Variants in NLGN1 observed in about 807,000 individuals in gnomAD.
NLGN1 encodes neuroligin-1.
A neutral mutation model predicts 65.5 loss-of-function variants in NLGN1; 12 were observed. The ratio of observed to expected loss-of-function variants is 0.18; its 90% CI spans 0.12 to 0.30. The LOEUF (loss-of-function observed/expected upper bound fraction) is 0.30. Ranked by LOEUF, NLGN1 falls within the 10% of genes least tolerant of loss-of-function variation. The probability of loss-of-function intolerance (pLI) is 1.00; values close to 1 mark genes in which losing one functional copy is unlikely to be tolerated. For missense variants in NLGN1, 750 were observed against 1,007.1 expected, an observed-to-expected ratio of 0.74 and a Z score of 3.46; for synonymous variants, 350 against 359.5, an observed-to-expected ratio of 0.97 and a Z score of 0.30.
intron 3 of NLGN1, among the ~76,000 whole-genome samples, chr3:173,729,347 T>C (rs1772399041): frequency 6.6e-6 from 1 of 152,110 alleles, no homozygotes; most frequent in Non-Finnish European, 1.5e-5. Context: ...CTTGTTCCTA[T>C]GTTTAGACTC....
At chr3:173,679,480 T>C (rs1230904128) in intron 3 of NLGN1, among the ~76,000 whole-genome samples, 1 of 151,984 alleles carries the variant, frequency 6.6e-6, no homozygotes, top group African/African-American at 2.4e-5. Context: ...GGGGAGGGGA[T>C]AAAAAAGACT....
chr3:173,554,244 G>C (rs1043254367), intron 2 of NLGN1, among the ~76,000 whole-genome samples: 5 of 152,136 alleles, frequency 3.3e-5, no homozygotes, highest in Non-Finnish European at 7.4e-5. Context: ...CTTTAGAAGA[G>C]AAACACACCT....
chr3:174,208,597 A>G (rs1030005583), intron 4 of NLGN1, among the ~76,000 whole-genome samples: 1 of 152,028 alleles, frequency 6.6e-6, no homozygotes, highest in Non-Finnish European at 1.5e-5. Flanking sequence ...GTATTTATAA[A>G]TCTGACAGCC....
intron 4 of NLGN1, among the ~76,000 whole-genome samples, chr3:173,952,222 T>G (rs543524914): frequency 6.6e-6 from 1 of 152,024 alleles, no homozygotes; most frequent in Non-Finnish European, 1.5e-5. Flanking sequence ...TAAAGATAGG[T>G]TTAAAGATGG....
At chr3:173,469,925 C>T (rs1725042202) in intron 2 of NLGN1, among the ~76,000 whole-genome samples, 2 of 151,346 alleles carry the variant, frequency 1.3e-5, no homozygotes, top group Admixed American at 6.6e-5. Context: ...ACCTCATTTG[C>T]TTCTCTATTA....
At chr3:173,571,464 G>T (rs1336852627) in intron 2 of NLGN1, among the ~76,000 whole-genome samples, 7 of 152,120 alleles carry the variant, frequency 4.6e-5, no homozygotes, top group African/African-American at 1.7e-4. Context: ...CACTTTTTAT[G>T]TTGCATTTTT....
At chr3:174,050,990 A>G (rs533758881) in intron 4 of NLGN1, among the ~76,000 whole-genome samples, 12 of 152,156 alleles carry the variant, frequency 7.9e-5, no homozygotes, top group African/African-American at 2.9e-4. Context: ...GAATTATACA[A>G]TCAGCAAAGG....
chr3:174,075,737 A>G (rs1371856755), intron 4 of NLGN1, among the ~76,000 whole-genome samples: 1 of 152,218 alleles, frequency 6.6e-6, no homozygotes, highest in Non-Finnish European at 1.5e-5. Context: ...AAAAAGAAAA[A>G]TGAAAAGGAC....
intron 2 of NLGN1, chr3:173,435,200 C>T (rs1717890294): frequency 6.6e-6 from 1 of 152,558 alleles, no homozygotes; most frequent in African/African-American, 2.4e-5. Flanking sequence ...TGACTTACCT[C>T]TTTTGTTCCA....
chr3:174,244,403 TTCCTC>T (rs1428747838), intron 4 of NLGN1, among the ~76,000 whole-genome samples: 3 of 152,212 alleles, frequency 2.0e-5, no homozygotes, highest in Non-Finnish European at 4.4e-5. Flanking sequence ...TTAAGAATCT[TTCCTC>T]TCTTTACTAC....
intron 2 of NLGN1, among the ~76,000 whole-genome samples, chr3:173,536,839 A>G (rs751359631): frequency 9.2e-5 from 14 of 152,102 alleles, no homozygotes; most frequent in Non-Finnish European, 1.6e-4. Flanking sequence ...AGAGGCTGAC[A>G]TGTCCTAACA....
intron 4 of NLGN1, among the ~76,000 whole-genome samples, chr3:173,852,672 A>G (rs1727206184): frequency 6.6e-6 from 1 of 152,204 alleles, no homozygotes; most frequent in African/African-American, 2.4e-5. Flanking sequence ...ATTGTTCACC[A>G]ATTATAAAGC....
At chr3:173,905,367 A>G (rs1409733662) in intron 4 of NLGN1, among the ~76,000 whole-genome samples, 2 of 152,196 alleles carry the variant, frequency 1.3e-5, no homozygotes, top group African/African-American at 4.8e-5. Context: ...TCCAACCCCA[A>G]TTTGTACTGT....
intron 4 of NLGN1, among the ~76,000 whole-genome samples, chr3:173,954,777 T>G (rs2152335047): frequency 6.6e-6 from 1 of 152,246 alleles, no homozygotes; most frequent in Admixed American, 6.5e-5. Flanking sequence ...TTTCATCATT[T>G]TATGTAGAGT....
intron 3 of NLGN1, among the ~76,000 whole-genome samples, chr3:173,700,206 G>A (rs576132670): frequency 6.6e-6 from 1 of 152,286 alleles, no homozygotes; most frequent in South Asian, 2.1e-4. Context: ...TATTGTAAAT[G>A]CGTTCATATT....
chr3:173,819,078 G>A (rs1019800302), intron 4 of NLGN1, among the ~76,000 whole-genome samples: 5 of 151,744 alleles, frequency 3.3e-5, no homozygotes, highest in African/African-American at 1.2e-4. Flanking sequence ...GATTTCTAAA[G>A]TCTTTCCTTG....
chr3:173,420,023 C>G (rs531520006), intron 1 of NLGN1, among the ~76,000 whole-genome samples: 1 of 146,928 alleles, frequency 6.8e-6, no homozygotes, highest in Non-Finnish European at 1.5e-5. Context: ...AATAGTGACC[C>G]CTGACCTTTT....
rs34282659 is a variant in NLGN1 at position 173,721,942 on chromosome 3, T to TAA, written c.494-85728_494-85727dup. ...GATGGGCAACATGAATATCTGCTCG[T>TAA]AAAAAAAAAAAGGGACCCCAGTGGA... On this transcript the variant is annotated intron_variant, in intron 3 of 6. Coordinates refer to ENST00000457714, the Ensembl canonical transcript of NLGN1. 3.8e-3 allele frequency among the ~76,000 whole-genome samples: 565 copies of TAA among 147,124 alleles called. 6 individuals are homozygous for TAA. The highest frequency in any genetic ancestry group is 0.012 in the African/African-American group (496 of 40,412).
At chr3:173,443,889 G>A (rs935096137) in intron 2 of NLGN1, among the ~76,000 whole-genome samples, 2 of 152,134 alleles carry the variant, frequency 1.3e-5, no homozygotes, top group African/African-American at 2.4e-5. Context: ...TTCATTGACA[G>A]CATATCATTG....
Sources: gnomAD v4.1 joint callset for allele counts (sites outside exome capture counted in the v4.1 genomes callset) on GRCh38, gnomAD v4.1.1 for gene constraint, MANE v1.5 for transcripts, NCBI Gene and HGNC (gene_info 2026-07-23, HGNC 2026-07-21) for gene names.